The following SDK1 variants were observed in gnomAD, a reference collection of about 807,000 sequenced individuals.
SDK1 encodes the protein sidekick cell adhesion molecule 1.
A neutral mutation model predicts 245.5 loss-of-function variants in SDK1; 157 were observed. That is an observed-to-expected ratio of 0.64 (90% confidence interval 0.56 to 0.73). The LOEUF (loss-of-function observed/expected upper bound fraction) is 0.73. SDK1 is among the 30% of genes least tolerant of loss of function. The probability of loss-of-function intolerance (pLI) is 0.00; values close to 1 mark genes in which losing one functional copy is unlikely to be tolerated. For synonymous variants in SDK1, 1,647 were observed against 1,278.5 expected, an observed-to-expected ratio of 1.29 and a Z score of -6.15; for missense variants, 3,583 against 3,002.3, an observed-to-expected ratio of 1.19 and a Z score of -4.52.
intron 44 of SDK1, among the ~76,000 whole-genome samples, chr7:4,253,689 C>T (rs1196417495): frequency 6.6e-6 from 1 of 152,116 alleles, no homozygotes; most frequent in Non-Finnish European, 1.5e-5. Context: ...TATGTATGAT[C>T]TTCTTCCCAG....
At chr7:3,854,587 TA>T (rs1780495549) in intron 5 of SDK1, among the ~76,000 whole-genome samples, 1 of 152,232 alleles carries the variant, frequency 6.6e-6, no homozygotes. Context: ...ATGCAATTTT[TA>T]TATTTTTATT....
intron 2 of SDK1, among the ~76,000 whole-genome samples, chr7:3,627,799 C>T (rs1433042547): frequency 6.6e-6 from 1 of 152,146 alleles, no homozygotes; most frequent in Non-Finnish European, 1.5e-5. Flanking sequence ...CGATGAGTGC[C>T]TTATCTGAAG....
chr7:3,809,280 C>T (rs372618037), intron 4 of SDK1, among the ~76,000 whole-genome samples: 1 of 152,088 alleles, frequency 6.6e-6, no homozygotes, highest in South Asian at 2.1e-4. Flanking sequence ...GAGGACAGCA[C>T]CAAGAGGATG....
At chr7:4,230,426 A>C in intron 40 of SDK1, among the ~76,000 whole-genome samples, 1 of 112,104 alleles carries the variant, frequency 8.9e-6, no homozygotes, top group East Asian at 3.3e-4. Flanking sequence ...AGGAAAGGGA[A>C]GGGAAGGGAG....
chr7:3,905,538 G>A (rs192676273), intron 5 of SDK1, among the ~76,000 whole-genome samples: 1 of 151,878 alleles, frequency 6.6e-6, no homozygotes, highest in Admixed American at 6.6e-5. Context: ...CCTTATCTTT[G>A]CTGTCTACAG....
At chr7:3,770,753 G>T (rs73306119) in intron 4 of SDK1, among the ~76,000 whole-genome samples, 1,722 of 152,220 alleles carry the variant, frequency 0.011, 23 homozygotes, top group African/African-American at 0.028. Flanking sequence ...TCCCTTGCCT[G>T]TGCTGCCAGG....
At chr7:3,340,716 T>G (rs1025079634) in intron 1 of SDK1, among the ~76,000 whole-genome samples, 2 of 150,014 alleles carry the variant, frequency 1.3e-5, no homozygotes, top group Non-Finnish European at 3.0e-5. Context: ...TGAGCTGAGA[T>G]TGGACCACTG....
intron 4 of SDK1, among the ~76,000 whole-genome samples, chr7:3,732,903 G>T (rs1451881041): frequency 6.6e-6 from 1 of 152,188 alleles, no homozygotes; most frequent in African/African-American, 2.4e-5. Context: ...TTGCTGTGGA[G>T]AATGAGTTTA....
intron 22 of SDK1, among the ~76,000 whole-genome samples, chr7:4,099,872 G>C (rs1415529434): frequency 6.6e-6 from 1 of 151,746 alleles, no homozygotes; most frequent in Non-Finnish European, 1.5e-5. Context: ...GTGGCTGCTG[G>C]TCACCGAGCT....
At chr7:4,064,794 G>T (rs1779763971) in intron 19 of SDK1, among the ~76,000 whole-genome samples, 1 of 152,076 alleles carries the variant, frequency 6.6e-6, no homozygotes. Context: ...TTACATCAAT[G>T]CCCTCAGGAA....
At chr7:3,504,197 T>TGTGTGTGTGTGTGG (rs1166621224) in intron 1 of SDK1, among the ~76,000 whole-genome samples, 2 of 150,956 alleles carry the variant, frequency 1.3e-5, no homozygotes, top group Admixed American at 6.6e-5. Context: ...TGTGTGTGTG[T>TGTGTGTGTGTGTGG]GTGTGTGTGT....
At chr7:3,361,107 T>G (rs1211733935) in intron 1 of SDK1, among the ~76,000 whole-genome samples, 2 of 152,206 alleles carry the variant, frequency 1.3e-5, no homozygotes, top group Non-Finnish European at 2.9e-5. Flanking sequence ...AAACACATAC[T>G]AAATTCCTAG....
chr7:4,074,599 G>C (rs77451803), intron 20 of SDK1, among the ~76,000 whole-genome samples: 1 of 151,952 alleles, frequency 6.6e-6, no homozygotes, highest in East Asian at 1.9e-4. Context: ...GGTGGCTGAC[G>C]GCTGTAATCC....
intron 38 of SDK1, among the ~76,000 whole-genome samples, chr7:4,218,715 G>A (rs1045516496): frequency 2.4e-4 from 36 of 152,096 alleles, no homozygotes; most frequent in Non-Finnish European, 4.6e-4. Flanking sequence ...GACTCAGGAC[G>A]GTGGGTGCCA....
At chr7:3,750,780 A>G (rs1239832559) in intron 4 of SDK1, among the ~76,000 whole-genome samples, 1 of 152,248 alleles carries the variant, frequency 6.6e-6, no homozygotes, top group African/African-American at 2.4e-5. Flanking sequence ...AGTAAATACT[A>G]GTGAAATAAA....
At chr7:3,979,598 C>T (rs938360473) in intron 13 of SDK1, among the ~76,000 whole-genome samples, 16 of 152,146 alleles carry the variant, frequency 1.1e-4, no homozygotes, top group Admixed American at 8.5e-4. Flanking sequence ...AGGGCTCTGC[C>T]TTCATCCCCC....
intron 4 of SDK1, among the ~76,000 whole-genome samples, chr7:3,700,418 T>A (rs557812752): frequency 6.6e-6 from 1 of 152,322 alleles, no homozygotes; most frequent in South Asian, 2.1e-4. Flanking sequence ...ATGACAGTCA[T>A]ACTTGGTGTA....
chr7:4,045,306 A>G (rs1387438757), intron 17 of SDK1, among the ~76,000 whole-genome samples: 1 of 152,110 alleles, frequency 6.6e-6, no homozygotes. Flanking sequence ...GCAGTGGTGT[A>G]ATCACAGCTC....
In SDK1 at chr7:4,268,537, C is replaced by T; in HGVS notation, c.*3153C>T. The stretch of plus-strand genomic sequence containing the variant: ...CCAGATGGCCACACACGGAACGCGC[C>T]TCCACAGCCCCGGGAGGTGGCTCAC... On this transcript the variant is annotated 3_prime_UTR_variant, in exon 45 of 45. Transcript: ENST00000404826. 1 of 1,265,368 alleles carries T rather than the reference C, an allele frequency of 7.9e-7. No homozygotes were observed. The highest frequency in any genetic ancestry group is 1.0e-6 in the Non-Finnish European group (1 of 970,316). The allele number at this position is 1,265,368 out of a possible 1,614,324, so 78.4% of individuals were successfully genotyped here. A position where few individuals can be genotyped will look rare whatever the true frequency, so the allele number is the denominator to read the frequency against.
Sources: allele counts gnomAD v4.1 joint callset (sites outside exome capture counted in the v4.1 genomes callset), GRCh38; gene constraint gnomAD v4.1.1; transcripts MANE v1.5; gene names NCBI Gene and HGNC (gene_info 2026-07-23, HGNC 2026-07-21).